Variants in ELP4 observed in about 807,000 individuals in gnomAD.
ELP4 encodes the protein elongator acetyltransferase complex subunit 4.
A neutral mutation model predicts 48.9 loss-of-function variants in ELP4; 51 were observed. That is an observed-to-expected ratio of 1.04 (90% CI 0.83 to 1.32). The LOEUF is 1.32. Ranked by LOEUF, ELP4 falls within the 40% of genes most tolerant of loss-of-function variation. ELP4 has a pLI of 0.00. For synonymous variants in ELP4, 210 were observed against 189.2 expected (o/e 1.11, Z -0.90); for missense variants, 519 against 514.6 (o/e 1.01, Z -0.08).
intron 5 of ELP4, among the ~76,000 whole-genome samples, chr11:31,605,376 T>C (rs1309360135): frequency 6.6e-6 from 1 of 152,052 alleles, no homozygotes; most frequent in East Asian, 1.9e-4. Flanking sequence ...TTTCCCAGTT[T>C]TTGCCACAGA....
chr11:31,700,302 GT>G (rs1345288351), intron 9 of ELP4, among the ~76,000 whole-genome samples: 2 of 151,928 alleles, frequency 1.3e-5, no homozygotes, highest in Admixed American at 6.6e-5. Flanking sequence ...GGAATTCTTT[GT>G]TTTGTTCTGG....
chr11:31,522,268 G>A (rs1291090012), intron 2 of ELP4, among the ~76,000 whole-genome samples: 2 of 152,072 alleles, frequency 1.3e-5, no homozygotes, highest in African/African-American at 4.8e-5. Context: ...TACATGTTTG[G>A]TATAAATACA....
At chr11:31,601,661 A>G (rs547202129) in intron 4 of ELP4, among the ~76,000 whole-genome samples, 4 of 152,298 alleles carry the variant, frequency 2.6e-5, no homozygotes, top group African/African-American at 7.2e-5. Flanking sequence ...CTCTGAGTGC[A>G]TAGGACTTCA....
intron 9 of ELP4, among the ~76,000 whole-genome samples, chr11:31,687,255 G>A (rs929724939): frequency 6.6e-6 from 1 of 152,162 alleles, no homozygotes; most frequent in Non-Finnish European, 1.5e-5. Context: ...ATCCAGAGAT[G>A]TATATTTGGG....
chr11:31,582,078 T>C (rs1592136701), intron 3 of ELP4, among the ~76,000 whole-genome samples: 2 of 152,116 alleles, frequency 1.3e-5, no homozygotes, highest in East Asian at 3.9e-4. Context: ...TAGAAAGCCA[T>C]ATAGGATGGT....
At chr11:31,576,260 A>T (rs927023551) in intron 3 of ELP4, among the ~76,000 whole-genome samples, 1 of 152,224 alleles carries the variant, frequency 6.6e-6, no homozygotes, top group African/African-American at 2.4e-5. Context: ...ATGTATATGC[A>T]CCCAATGCAG....
At chr11:31,704,159 T>C (rs1188535093) in intron 9 of ELP4, among the ~76,000 whole-genome samples, 2 of 152,180 alleles carry the variant, frequency 1.3e-5, no homozygotes, top group African/African-American at 2.4e-5. Context: ...TTATCTCTTA[T>C]TATTTCAGAT....
chr11:31,756,514 A>AGCT (rs1947835254), intron 9 of ELP4, among the ~76,000 whole-genome samples: 1 of 152,120 alleles, frequency 6.6e-6, no homozygotes, highest in South Asian at 2.1e-4. Context: ...ATTTGACTGG[A>AGCT]GCAGTACCTT....
chr11:31,650,663 A>AATT (rs1945301191), intron 9 of ELP4: 1 of 152,644 alleles, frequency 6.6e-6, no homozygotes, highest in African/African-American at 2.4e-5. Context: ...CTCGTGTGGA[A>AATT]CTAAACAAAT....
At position 31,721,884 on chromosome 11, in the gene ELP4, C is replaced by T. The variant is rs537848490; in HGVS notation, c.1144-61509C>T. Reference sequence around the variant, plus strand: ...TTATAATTTAAATAATTGGCAATAACTTATAACTTGTTGTAATGATAATGA... The same window carrying T: ...TTATAATTTAAATAATTGGCAATAATTTATAACTTGTTGTAATGATAATGA... On this transcript the variant is annotated intron_variant, in intron 9 of 9. Transcript: ENST00000640961. 2.0e-3 allele frequency among the ~76,000 whole-genome samples: 303 copies of T among 152,186 alleles called. No individual in the cohort carries two copies. In the Middle Eastern group the frequency reaches 0.02, roughly 10 times the overall value.
chr11:31,529,731 A>C (rs1956362707), intron 2 of ELP4, among the ~76,000 whole-genome samples: 1 of 152,204 alleles, frequency 6.6e-6, no homozygotes, highest in Admixed American at 6.5e-5. Context: ...TGTGTAAACA[A>C]ACACAGCTAG....
chr11:31,621,328 T>C (rs949901380), intron 5 of ELP4, among the ~76,000 whole-genome samples: 5 of 152,020 alleles, frequency 3.3e-5, no homozygotes, highest in African/African-American at 1.2e-4. Context: ...CCTAAATGTT[T>C]ATATCAAGTA....
chr11:31,580,144 G>C (rs752973014), intron 3 of ELP4, among the ~76,000 whole-genome samples: 1 of 152,018 alleles, frequency 6.6e-6, no homozygotes, highest in Non-Finnish European at 1.5e-5. Context: ...TTCAGAGAAG[G>C]CCTCTTGGGT....
At chr11:31,622,818 A>G (rs1276301540) in intron 5 of ELP4, among the ~76,000 whole-genome samples, 1 of 151,658 alleles carries the variant, frequency 6.6e-6, no homozygotes, top group African/African-American at 2.4e-5. Flanking sequence ...TTTATATATT[A>G]GTATAAAGAA....
intron 9 of ELP4, among the ~76,000 whole-genome samples, chr11:31,740,936 C>T (rs1469128333): frequency 2.0e-5 from 3 of 152,318 alleles, no homozygotes; most frequent in South Asian, 2.1e-4. Context: ...CGAAGCAGGG[C>T]GAGGCATCGC....
chr11:31,624,638 G>A (rs1259590917), intron 5 of ELP4, among the ~76,000 whole-genome samples: 3 of 151,624 alleles, frequency 2.0e-5, no homozygotes, highest in African/African-American at 7.3e-5. Flanking sequence ...TCTTCAATAA[G>A]AAATTCACCT....
At chr11:31,622,221 A>T (rs1944637798) in intron 5 of ELP4, among the ~76,000 whole-genome samples, 1 of 151,730 alleles carries the variant, frequency 6.6e-6, no homozygotes, top group South Asian at 2.1e-4. Context: ...CATGTGCATG[A>T]TCTTATTTTT....
At chr11:31,653,382 T>C (rs1945362282) in intron 9 of ELP4, 1 of 151,824 alleles carries the variant, frequency 6.6e-6, no homozygotes, top group Admixed American at 6.6e-5. Context: ...CATTATATAC[T>C]ACTTATTCCT....
At chr11:31,622,610 C>T (rs1176918649) in intron 5 of ELP4, among the ~76,000 whole-genome samples, 1 of 151,586 alleles carries the variant, frequency 6.6e-6, no homozygotes, top group Non-Finnish European at 1.5e-5. Flanking sequence ...CTTTTCACAG[C>T]AAAACCAATG....
Sources: allele counts gnomAD v4.1 joint callset (sites outside exome capture counted in the v4.1 genomes callset), GRCh38; gene constraint gnomAD v4.1.1; transcripts MANE v1.5; gene names NCBI Gene and HGNC (gene_info 2026-07-23, HGNC 2026-07-21).